OSBPL3: variants seen among roughly 807,000 people sequenced by gnomAD.
OSBPL3 encodes the protein oxysterol binding protein like 3.
A neutral mutation model predicts 120.1 loss-of-function variants in OSBPL3; 65 were observed. That is an observed-to-expected ratio of 0.54 (90% confidence interval 0.44 to 0.67). OSBPL3 has a LOEUF of 0.67. OSBPL3 is among the 30% of genes least tolerant of loss of function. OSBPL3 has a pLI of 0.00. For missense variants in OSBPL3, 1,004 were observed against 1,082.1 expected, an observed-to-expected ratio of 0.93 and a Z score of 1.01; for synonymous variants, 416 against 402.6, an observed-to-expected ratio of 1.03 and a Z score of -0.40.
chr7:24,851,938 G>A lies in OSBPL3; in HGVS notation c.1158+566C>T, dbSNP rs1799206471. ...GATTGCCTGACAGGCACTTTCATGT[G>A]ACTCATCTCTTTGTAGCCACAGTAG... On this transcript the variant is annotated intron_variant, in intron 11 of 22. Transcript: ENST00000313367. The surrounding 1 kb of genome is among the most constrained non-coding windows in gnomAD (Gnocchi z 4.1). 6.6e-6 allele frequency among the ~76,000 whole-genome samples: 1 copy of A among 152,154 alleles called. No individual in the cohort carries two copies. Among genetic ancestry groups the A allele is most frequent in the African/African-American group, 2.4e-5 (1 of 41,444 alleles).
rs1263277007 is a variant in OSBPL3, at chr7:24,820,415, T to C, written c.1885-177A>G. ...AGAGGGCGCTCCTGATACAGTCAGC[T>C]CCCACTTGCTCAGATTGGTCAAGGC... On this transcript the variant is annotated intron_variant, in intron 16 of 22. Coordinates refer to ENST00000313367, the MANE Select transcript of OSBPL3 (RefSeq NM_015550.4). The surrounding 1 kb of genome is among the most constrained non-coding windows in gnomAD (Gnocchi z 4.6). Among the ~76,000 whole-genome samples the C allele has an allele frequency of 6.6e-6, 1 of 152,158 alleles. No individual in the cohort carries two copies. Among genetic ancestry groups the C allele is most frequent in the Non-Finnish European group, 1.5e-5 (1 of 68,016 alleles).
Position 24,796,916 on chromosome 7 carries a change from T to C in OSBPL3, c.*3267A>G, listed in dbSNP as rs1318000296. On this transcript the variant is annotated 3_prime_UTR_variant, in exon 23 of 23. Coordinates refer to ENST00000313367, the MANE Select transcript of OSBPL3 (RefSeq NM_015550.4). This position sits in a 1 kb window ranked among gnomAD's most constrained non-coding sequence, Gnocchi z 5.2. ...ATAGAGCAAATGAAAATAGCTATCA[T>C]CTGGTAGCAAAAATAGATTTATGCC... is the stretch of plus-strand genomic sequence containing the variant. 2.0e-5 allele frequency: 3 copies of C among 152,186 alleles called. No individual in the cohort carries two copies. The allele number at this position is 152,186 out of a possible 1,614,324, so 9.4% of individuals were successfully genotyped here.
intron 12 of OSBPL3, among the ~76,000 whole-genome samples, chr7:24,843,538 T>C (rs769487527): frequency 2.0e-5 from 3 of 152,320 alleles, no homozygotes; most frequent in Middle Eastern, 6.8e-3. Flanking sequence ...GGGGATGCTA[T>C]GACAGGAGGG....
chr7:24,888,132 A>G (rs906415432), intron 2 of OSBPL3, among the ~76,000 whole-genome samples: 1 of 152,240 alleles, frequency 6.6e-6, no homozygotes, highest in Admixed American at 6.5e-5. Context: ...GGATACACGT[A>G]TGATACTGTA....
At position 24,801,689 on chromosome 7, in the gene OSBPL3, G is replaced by T. The variant is rs185732261; in HGVS notation, c.2568-1410C>A. 8.2e-3 allele frequency among the ~76,000 whole-genome samples: 1,244 copies of T among 152,338 alleles called. 61 individuals carry two copies. Among genetic ancestry groups the T allele is most frequent in the Admixed American group, 0.071 (1,090 of 15,294 alleles). Reference sequence around the variant, plus strand: ...TATTGGAACATGGCCATGTCCATTTGTTTAAATACTGTTTATGGCTGCTTT... The same window carrying T: ...TATTGGAACATGGCCATGTCCATTTTTTTAAATACTGTTTATGGCTGCTTT... On this transcript the variant is annotated intron_variant, in intron 22 of 22. Transcript: ENST00000313367.
intron 5 of OSBPL3, among the ~76,000 whole-genome samples, chr7:24,869,388 A>T (rs1447777827): frequency 1.3e-5 from 2 of 152,230 alleles, no homozygotes; most frequent in Non-Finnish European, 2.9e-5. Flanking sequence ...GTGGAGACTG[A>T]TCAATGAAAC....
rs939870061 is a variant in OSBPL3 at position 24,912,744 on chromosome 7, C to T, written c.-149-20123G>A. Among the ~76,000 whole-genome samples the T allele has an allele frequency of 1.3e-5, 2 of 152,228 alleles. No individual in the cohort carries two copies. The highest frequency in any genetic ancestry group is 6.5e-5 in the Admixed American group (1 of 15,286). On this transcript the variant is annotated intron_variant, in intron 1 of 22. Transcript: ENST00000313367. The surrounding 1 kb of genome is among the most constrained non-coding windows in gnomAD (Gnocchi z 4.5). ...TTTCAAAGACGACCATACCAATGTACATCCCATCCCACATGCTCCTCTAAC... is the reference window on the plus strand; with the variant it reads ...TTTCAAAGACGACCATACCAATGTATATCCCATCCCACATGCTCCTCTAAC...
intron 19 of OSBPL3, among the ~76,000 whole-genome samples, 167 bp downstream of exon 19, chr7:24,814,892 G>A (rs537671720): frequency 2.6e-5 from 4 of 152,242 alleles, no homozygotes; most frequent in Non-Finnish European, 2.9e-5. Context: ...AGGGGCCATT[G>A]CCCTGGTCTA....
At chr7:24,840,576 C>G in intron 14 of OSBPL3, 114 bp downstream of exon 14, 1 of 482,082 alleles carries the variant, frequency 2.1e-6, no homozygotes, top group Non-Finnish European at 3.6e-6. Context: ...GGATTTTCAT[C>G]TGCATGGGGT....
intron 13 of OSBPL3, among the ~76,000 whole-genome samples, chr7:24,842,025 AG>A (rs1797843193): frequency 6.6e-6 from 1 of 152,032 alleles, no homozygotes; most frequent in African/African-American, 2.4e-5. Context: ...AAAAAAAAAA[AG>A]TATAACAAAT....
chr7:24,970,291 G>C (rs375119979), intron 1 of OSBPL3, among the ~76,000 whole-genome samples: 1 of 152,084 alleles, frequency 6.6e-6, no homozygotes, highest in African/African-American at 2.4e-5. Context: ...ATTTTTAGTA[G>C]AGACTTGGTT....
In OSBPL3 at chr7:24,979,815, C is replaced by A. The variant is rs964478685; in HGVS notation, c.-150+71G>T. 7.3e-6 allele frequency: 5 copies of A among 686,730 alleles called. No individual in the cohort carries two copies. In the African/African-American group the frequency reaches 7.9e-5, roughly 11 times the overall value. The allele number at this position is 686,730 out of a possible 1,614,324, so 42.5% of individuals were successfully genotyped here. On this transcript the variant is annotated intron_variant, in intron 1 of 22. Coordinates refer to ENST00000313367, the MANE Select transcript of OSBPL3 (RefSeq NM_015550.4). The stretch of plus-strand genomic sequence containing the variant: ...CCGCGGCGCCCCGCAAACAGCAGCC[C>A]TTCCGAGCCCGCGCCGCCGCCAGGC...
At position 24,925,566 on chromosome 7, in the gene OSBPL3, C is replaced by T. The variant is rs79571340; in HGVS notation, c.-149-32945G>A. Among the ~76,000 whole-genome samples the T allele has an allele frequency of 7.7e-3, 1,177 of 152,340 alleles. 14 individuals carry two copies. Among genetic ancestry groups the T allele is most frequent in the African/African-American group, 0.023 (937 of 41,576 alleles). On this transcript the variant is annotated intron_variant, in intron 1 of 22. Coordinates refer to ENST00000313367, the MANE Select transcript of OSBPL3 (RefSeq NM_015550.4). ...TCTCAAAGGAATTCTACAAAGATGG[C>T]TTTCCTTTCAAGTTTAACTCCTGAG...
At chr7:24,960,761 A>T (rs1247645164) in intron 1 of OSBPL3, among the ~76,000 whole-genome samples, 1 of 152,222 alleles carries the variant, frequency 6.6e-6, no homozygotes, top group Non-Finnish European at 1.5e-5. Flanking sequence ...AAGATAATTA[A>T]CTGAATTTCA....
chr7:24,956,307 A>C (rs1396438913), intron 1 of OSBPL3, among the ~76,000 whole-genome samples: 2 of 152,242 alleles, frequency 1.3e-5, no homozygotes, highest in Non-Finnish European at 2.9e-5. Flanking sequence ...CCCTGTTCTG[A>C]GATATTTCCA....
At chr7:24,814,374 G>A (rs1456976112) in intron 19 of OSBPL3, among the ~76,000 whole-genome samples, 1 of 151,998 alleles carries the variant, frequency 6.6e-6, no homozygotes, top group Non-Finnish European at 1.5e-5. Flanking sequence ...CGCCCGACAG[G>A]CCACCATAAG....
intron 1 of OSBPL3, among the ~76,000 whole-genome samples, chr7:24,950,495 G>T (rs1814269011): frequency 6.6e-6 from 1 of 152,212 alleles, no homozygotes; most frequent in Admixed American, 6.5e-5. Flanking sequence ...GGCCGAGGCG[G>T]GCGGATCACG....
At chr7:24,935,124 A>G (rs1812250527) in intron 1 of OSBPL3, among the ~76,000 whole-genome samples, 1 of 152,204 alleles carries the variant, frequency 6.6e-6, no homozygotes, top group Non-Finnish European at 1.5e-5. Context: ...ATAATAACCT[A>G]TAAGACATCC....
intron 1 of OSBPL3, among the ~76,000 whole-genome samples, chr7:24,958,344 T>C (rs953120426): frequency 1.3e-5 from 2 of 152,172 alleles, no homozygotes; most frequent in Admixed American, 6.5e-5. Flanking sequence ...TTTTGATTGA[T>C]AGTCTCTCTT....
Sources: gnomAD v4.1 joint callset for allele counts (sites outside exome capture counted in the v4.1 genomes callset) on GRCh38, gnomAD v4.1.1 for gene constraint, Gnocchi (gnomAD v3.1) non-coding constraint, MANE v1.5 for transcripts, NCBI Gene and HGNC (gene_info 2026-07-23, HGNC 2026-07-21) for gene names.